The following OR2I1 variants were observed in gnomAD, a reference collection of about 807,000 sequenced individuals.
OR2I1 encodes the protein olfactory receptor family 2 subfamily I member 1 (gene/pseudogene).
At chr6:29,556,037 T>G in the OR2I1 span, 1 of 1,613,134 alleles carries the variant, frequency 6.2e-7, no homozygotes, top group South Asian at 1.1e-5. Flanking sequence ...TGCTTTCACT[T>G]GTGCCACTGA....
At chr6:29,557,061 G>A in the OR2I1 span, 1 of 152,180 alleles carries the variant, frequency 6.6e-6, no homozygotes, top group African/African-American at 2.4e-5. Flanking sequence ...GACCAGCAAA[G>A]TTAGAGATTA....
chr6:29,556,374 A>G, the OR2I1 span: 1 of 1,586,316 alleles, frequency 6.3e-7, no homozygotes, highest in Non-Finnish European at 8.6e-7. Context: ...GCCACAAGAC[A>G]GTTACCTAGG....
At chr6:29,557,557 C>T in the OR2I1 span, 1 of 152,330 alleles carries the variant, frequency 6.6e-6, no homozygotes, top group East Asian at 1.9e-4. Flanking sequence ...AATATGCATG[C>T]ATTAGGACCC....
the OR2I1 span, chr6:29,552,946 C>T: frequency 3.4e-6 from 1 of 296,114 alleles, no homozygotes; most frequent in Non-Finnish European, 6.2e-6. Context: ...TGAACTGTTG[C>T]ATAAATAAAC....
the OR2I1 span, among the ~76,000 whole-genome samples, chr6:29,551,107 T>C: frequency 1.3e-5 from 2 of 152,200 alleles, no homozygotes; most frequent in South Asian, 4.1e-4. Context: ...GTTTTCATGG[T>C]GTGGCATATT....
chr6:29,550,435 T>C, the OR2I1 span: 1 of 145,520 alleles, frequency 6.9e-6, no homozygotes, highest in Non-Finnish European at 1.5e-5. Flanking sequence ...CTTCCTCCTC[T>C]CTAACTGTGT....
At chr6:29,554,527 C>A in the OR2I1 span, 1 of 176,680 alleles carries the variant, frequency 5.7e-6, no homozygotes. Flanking sequence ...AATCATAGTC[C>A]CTACCCTGCA....
At chr6:29,553,111 C>A in the OR2I1 span, 12 of 397,574 alleles carry the variant, frequency 3.0e-5, no homozygotes, top group African/African-American at 2.5e-4. Flanking sequence ...GTATATGATT[C>A]CATTCCTTCT....
the OR2I1 span, chr6:29,555,843 C>G: frequency 6.5e-7 from 1 of 1,541,536 alleles, no homozygotes; most frequent in Admixed American, 1.7e-5. Flanking sequence ...AAGAAATAAG[C>G]TTTTTGACCC....
At chr6:29,555,820 A>T in the OR2I1 span, 5 of 1,342,908 alleles carry the variant, frequency 3.7e-6, no homozygotes, top group South Asian at 1.3e-5. Flanking sequence ...GTGTTCGTTG[A>T]GTAAGAGATT....
chr6:29,553,101 G>A, the OR2I1 span: 4 of 397,576 alleles, frequency 1.0e-5, no homozygotes, highest in Non-Finnish European at 1.3e-5. Flanking sequence ...AACTGACCTT[G>A]TATATGATTC....
the OR2I1 span, chr6:29,555,342 C>A: frequency 6.5e-6 from 1 of 152,942 alleles, no homozygotes; most frequent in East Asian, 1.9e-4. Context: ...AATTTAGTTT[C>A]TAAAATGTTT....
At chr6:29,556,271 T>A in the OR2I1 span, 1 of 1,613,046 alleles carries the variant, frequency 6.2e-7, no homozygotes, top group East Asian at 2.2e-5. Flanking sequence ...AGACCGGACA[T>A]GTTCTTTGAT....
the OR2I1 span, chr6:29,554,787 A>T: frequency 1.3e-5 from 2 of 152,162 alleles, no homozygotes; most frequent in Non-Finnish European, 2.9e-5. Context: ...GAAGGCGGGC[A>T]CGTCTCAGCC....
At chr6:29,553,267 T>A in the OR2I1 span, 1 of 398,810 alleles carries the variant, frequency 2.5e-6, no homozygotes, top group African/African-American at 2.1e-5. Flanking sequence ...GCTGGGTTTC[T>A]CCGACTGGCC....
chr6:29,554,496 G>A, the OR2I1 span: 1 of 194,570 alleles, frequency 5.1e-6, no homozygotes. Flanking sequence ...TCTGCAATCA[G>A]AAGTCTCAAG....
the OR2I1 span, chr6:29,554,108 T>A: frequency 2.5e-6 from 1 of 398,818 alleles, no homozygotes; most frequent in Non-Finnish European, 4.4e-6. Context: ...AATAAGAAAG[T>A]GAAGGGGGCA....
At chr6:29,552,521 T>A in the OR2I1 span, among the ~76,000 whole-genome samples, 3 of 152,298 alleles carry the variant, frequency 2.0e-5, no homozygotes, top group South Asian at 6.2e-4. Context: ...AGCCGTATAA[T>A]GGGTTGTGTT....
the OR2I1 span, among the ~76,000 whole-genome samples, chr6:29,551,333 C>T: frequency 9.2e-5 from 14 of 152,180 alleles, no homozygotes; most frequent in African/African-American, 3.4e-4. Flanking sequence ...CTTTCATACT[C>T]CACAGTCTCT....
Sources: allele counts gnomAD v4.1 joint callset (sites outside exome capture counted in the v4.1 genomes callset), GRCh38; gene constraint gnomAD v4.1.1; transcripts MANE v1.5; gene names NCBI Gene and HGNC (gene_info 2026-07-23, HGNC 2026-07-21).